NBPF14: variants seen among roughly 807,000 people sequenced by gnomAD.
NBPF14 encodes the protein NBPF member 14, also known as NBPF family member NBPF14.
In NBPF14, 104 loss-of-function variants were observed where a neutral mutation model predicts 91.2. The ratio of observed to expected loss-of-function variants is 1.14; its 90% CI spans 0.97 to 1.34. The LOEUF is 1.34. Among genes scored for constraint, NBPF14 ranks in the 40% most tolerant of loss-of-function variants. NBPF14 has a pLI of 0.00. For synonymous variants in NBPF14, 294 were observed against 303.8 expected, an observed-to-expected ratio of 0.97 and a Z score of 0.34; for missense variants, 908 against 783.0, an observed-to-expected ratio of 1.16 and a Z score of -1.91.
chr1:148,559,916 A>T (rs1657406490), exon 37 of NBPF14: 10 of 1,319,240 alleles, frequency 7.6e-6, no homozygotes, highest in African/African-American at 4.1e-5. Flanking sequence ...CTATCCAGTG[A>T]GTCCTGCAAG....
intron 36 of NBPF14, among the ~76,000 whole-genome samples, 154 bp from the exon 37 acceptor site, chr1:148,560,119 G>C (rs1403179773): frequency 6.6e-6 from 1 of 150,692 alleles, no homozygotes; most frequent in Non-Finnish European, 1.5e-5. Context: ...TGTTGGGATA[G>C]AACAGGGCCA....
At chr1:148,565,804 AT>A (rs1658161185) in intron 29 of NBPF14, among the ~76,000 whole-genome samples, 1 of 14,884 alleles carries the variant, frequency 6.7e-5, no homozygotes, top group African/African-American at 2.3e-4. Context: ...TTGTGAGGAC[AT>A]TAGACACTGA....
chr1:148,566,317 TG>T lies in NBPF14; in HGVS notation c.3543-3del, dbSNP rs1658244539. 6 of 750,752 alleles carry T rather than the reference TG, an allele frequency of 8.0e-6. 1 individual carries two copies. The highest frequency in any genetic ancestry group is 1.4e-5 in the Non-Finnish European group (6 of 426,490). 46.5% of individuals were successfully genotyped at this position (750,752 alleles called of 1,614,324 possible). On this transcript the variant is annotated splice_region_variant and splice_polypyrimidine_tract_variant and intron_variant, in intron 28 of 70. Coordinates refer to ENST00000619423, the Ensembl canonical transcript of NBPF14. ...ACCTCCAGCAGCTCCCTGCTGAGCC[TG>T]GAAAAGGAGGAAAAGGTAAAGAATA... is the stretch of plus-strand genomic sequence containing the variant.
At chr1:148,580,940 T>A (rs1396625581) in intron 12 of NBPF14, among the ~76,000 whole-genome samples, 1 of 101,756 alleles carries the variant, frequency 9.8e-6, no homozygotes, top group Non-Finnish European at 2.0e-5. Flanking sequence ...CATGTCCACA[T>A]TGGTGTGCTT....
At chr1:148,534,420 C>T (rs1280867559) in intron 69 of NBPF14, among the ~76,000 whole-genome samples, 5 of 151,912 alleles carry the variant, frequency 3.3e-5, no homozygotes, top group Middle Eastern at 3.4e-3. Context: ...GAATTTGTCA[C>T]ATCTGCCCAG....
chr1:148,595,334 C>T (rs1439968587), intron 2 of NBPF14, among the ~76,000 whole-genome samples: 1 of 148,246 alleles, frequency 6.7e-6, no homozygotes, highest in Non-Finnish European at 1.5e-5. Flanking sequence ...ACTCTAGTTC[C>T]ACCCCCATCT....
intron 3 of NBPF14, among the ~76,000 whole-genome samples, chr1:148,593,296 C>G (rs1662801946): frequency 6.7e-6 from 1 of 148,770 alleles, no homozygotes; most frequent in African/African-American, 2.4e-5. Context: ...GATAGCACAC[C>G]ATTTTGATTA....
At chr1:148,560,429 C>G in intron 36 of NBPF14, among the ~76,000 whole-genome samples, 155 bp downstream of exon 36, 1 of 122,564 alleles carries the variant, frequency 8.2e-6, no homozygotes, top group African/African-American at 3.9e-5. Context: ...GAAATGGAAA[C>G]CTAAACATCT....
At chr1:148,592,804 G>A (rs1221463564) in intron 3 of NBPF14, 38 bp from the exon 4 acceptor site, 1 of 1,392,420 alleles carries the variant, frequency 7.2e-7, no homozygotes, top group Non-Finnish European at 1.0e-6. Flanking sequence ...AGAGTAGAAA[G>A]GGTTGAGTGA....
At position 148,559,857 on chromosome 1, in the gene NBPF14, C is replaced by A; in HGVS notation, c.4665G>T (p.Gln1555His). 3 of 1,510,094 alleles carry A rather than the reference C, an allele frequency of 2.0e-6. 1 individual carries two copies. Among genetic ancestry groups the A allele is most frequent in the South Asian group, 2.5e-5 (2 of 81,596 alleles). 93.5% of individuals were successfully genotyped at this position (1,510,094 alleles called of 1,614,324 possible). A position where few individuals can be genotyped will look rare whatever the true frequency, so the allele number is the denominator to read the frequency against. Residue 1555 changes from glutamine to histidine, a missense_variant, in exon 37 of 71, where the codon CAG becomes CAT. Coordinates refer to ENST00000619423, the Ensembl canonical transcript of NBPF14. ...ATATGTAAAAGGCACTTCTATAGGGCTGGCATGAGTCAGTCAGTTCAAGAC... is the reference window on the plus strand; with the variant it reads ...ATATGTAAAAGGCACTTCTATAGGGATGGCATGAGTCAGTCAGTTCAAGAC...
chr1:148,593,289 A>G (rs1477313170), intron 3 of NBPF14, among the ~76,000 whole-genome samples: 3 of 148,982 alleles, frequency 2.0e-5, no homozygotes, highest in South Asian at 2.2e-4. Flanking sequence ...GGGTGGCGAT[A>G]GCACACCATT....
intron 18 of NBPF14, among the ~76,000 whole-genome samples, chr1:148,574,472 CAG>C (rs1177707680): frequency 0.012 from 268 of 21,682 alleles, no homozygotes; most frequent in African/African-American, 0.041. Flanking sequence ...CACACACACA[CAG>C]AGAGAGAGAG....
At chr1:148,566,486 A>G (rs1658342557) in intron 28 of NBPF14, among the ~76,000 whole-genome samples, 171 bp from the exon 29 acceptor site, 1 of 136,322 alleles carries the variant, frequency 7.3e-6, no homozygotes, top group African/African-American at 2.7e-5. Flanking sequence ...GGCCAAATGG[A>G]AAAGAATGAA....
chr1:148,586,084 C>A (rs1189061395), intron 9 of NBPF14, among the ~76,000 whole-genome samples, 171 bp downstream of exon 9: 1 of 151,254 alleles, frequency 6.6e-6, no homozygotes, highest in Non-Finnish European at 1.5e-5. Context: ...GACCTCCAAC[C>A]CCATGGGTTT....
chr1:148,566,328 G>T lies in NBPF14; in HGVS notation c.3543-13C>A. 6.5e-6 allele frequency: 5 copies of T among 774,760 alleles called. No homozygotes were observed. The highest frequency in any genetic ancestry group is 1.4e-5 in the South Asian group (1 of 71,290). The allele number at this position is 774,760 out of a possible 1,614,324, so 48.0% of individuals were successfully genotyped here. A position where few individuals can be genotyped will look rare whatever the true frequency, so the allele number is the denominator to read the frequency against. The stretch of plus-strand genomic sequence containing the variant: ...CTCCCTGCTGAGCCTGGAAAAGGAG[G>T]AAAAGGTAAAGAATAAGCCAGGGGA... On this transcript the variant is annotated splice_polypyrimidine_tract_variant and intron_variant, in intron 28 of 70. Coordinates refer to ENST00000619423, the Ensembl canonical transcript of NBPF14.
chr1:148,534,533 G>A (rs1410514726), intron 69 of NBPF14, 151 bp downstream of exon 69: 1 of 710,364 alleles, frequency 1.4e-6, no homozygotes, highest in Non-Finnish European at 2.6e-6. Flanking sequence ...TTCCAGCTGA[G>A]ACTACAGTTT....
chr1:148,557,741 C>G lies in NBPF14; in HGVS notation c.4955-199G>C, dbSNP rs1354467555. On this transcript the variant is annotated intron_variant, in intron 39 of 70. Coordinates refer to ENST00000619423, the Ensembl canonical transcript of NBPF14. Reference sequence around the variant, plus strand: ...TCTCAGAACCAAGGGTGAAATATCCCCATTCTGGTAGATCGTTATCCCAAA... The same window carrying G: ...TCTCAGAACCAAGGGTGAAATATCCGCATTCTGGTAGATCGTTATCCCAAA... 8.6e-5 allele frequency among the ~76,000 whole-genome samples: 11 copies of G among 127,442 alleles called. 4 individuals carry two copies. Among genetic ancestry groups the G allele is most frequent in the African/African-American group, 3.3e-4 (9 of 27,218 alleles). 83.6% of individuals were successfully genotyped at this position (127,442 alleles called of 152,430 possible).
chr1:148,590,040 C>CATTTTTTTTT (rs1553337686), intron 6 of NBPF14, among the ~76,000 whole-genome samples: 1 of 76,348 alleles, frequency 1.3e-5, no homozygotes, highest in African/African-American at 5.9e-5. Flanking sequence ...CAGAGACTTA[C>CATTTTTTTTT]TTTTTTTTTT....
At chr1:148,534,977 G>A (rs1288845854) in intron 68 of NBPF14, 121 bp from the exon 69 acceptor site, 31 of 732,934 alleles carry the variant, frequency 4.2e-5, no homozygotes, top group Non-Finnish European at 6.3e-5. Flanking sequence ...ATCCATTAAT[G>A]AGGTAACGAA....
Sources: allele counts gnomAD v4.1 joint callset (sites outside exome capture counted in the v4.1 genomes callset), GRCh38; gene constraint gnomAD v4.1.1; transcripts MANE v1.5; gene names NCBI Gene and HGNC (gene_info 2026-07-23, HGNC 2026-07-21).